The following OCM variants were observed in gnomAD, a reference collection of about 807,000 sequenced individuals.
OCM encodes the protein oncomodulin.
In OCM, 18 loss-of-function variants were observed where a neutral mutation model predicts 14.1. The ratio of observed to expected loss-of-function variants is 1.28; its 90% confidence interval spans 0.88 to 1.89. The LOEUF is 1.89. OCM is among the 40% of genes most tolerant of loss of function. The pLI is 0.00. For missense variants in OCM, 140 were observed against 137.6 expected, an observed-to-expected ratio of 1.02 and a Z score of -0.09; for synonymous variants, 48 against 51.0, an observed-to-expected ratio of 0.94 and a Z score of 0.25.
the OCM span, among the ~76,000 whole-genome samples, chr7:5,867,484 C>G: frequency 2.0e-5 from 3 of 151,998 alleles, no homozygotes; most frequent in East Asian, 3.8e-4. Flanking sequence ...CCTCCTTTTT[C>G]CTCCTCTTAT....
the OCM span, among the ~76,000 whole-genome samples, chr7:5,861,356 G>A: frequency 2.6e-5 from 4 of 151,916 alleles, no homozygotes; most frequent in Non-Finnish European, 4.4e-5. Flanking sequence ...AGGAGGCGGA[G>A]GTTGAAGTGA....
the OCM span, among the ~76,000 whole-genome samples, chr7:5,862,599 C>T: frequency 5.3e-5 from 8 of 152,340 alleles, no homozygotes; most frequent in East Asian, 1.2e-3. Flanking sequence ...TCCCTCTTTT[C>T]ATGTTTACTT....
rs1781332216 is a variant in OCM at position 5,886,130 on chromosome 7, C to G, written c.*41C>G. The G allele has an allele frequency of 6.3e-7, 1 of 1,585,474 alleles. No individual in the cohort carries two copies. The highest frequency in any genetic ancestry group is 8.7e-7 in the Non-Finnish European group (1 of 1,154,998). On this transcript the variant is annotated 3_prime_UTR_variant, in exon 4 of 4. Transcript: ENST00000242104. ...GAGAAAAGAGAGAAAGGGATAATCACCTGGAAGGATTCCAAAGCCCTGGGA... is the reference window on the plus strand; with the variant it reads ...GAGAAAAGAGAGAAAGGGATAATCAGCTGGAAGGATTCCAAAGCCCTGGGA...
the OCM span, among the ~76,000 whole-genome samples, chr7:5,871,323 C>G: frequency 6.8e-6 from 1 of 146,396 alleles, no homozygotes; most frequent in Non-Finnish European, 1.5e-5. Flanking sequence ...CCACAGCACT[C>G]AAGCCTGGGT....
At chr7:5,873,151 G>A in the OCM span, among the ~76,000 whole-genome samples, 2 of 152,152 alleles carry the variant, frequency 1.3e-5, no homozygotes, top group South Asian at 4.1e-4. Context: ...GAGGCAGGTG[G>A]ATTACTTGAG....
rs201541081 is a variant in OCM at position 5,883,974 on chromosome 7, T to C, written c.279T>C (p.Asp93=). Residue 93 remains aspartate (D), a synonymous_variant, in exon 3 of 4, where the codon GAT becomes GAC. Coordinates refer to ENST00000242104, the MANE Select transcript of OCM (RefSeq NM_001097622.2). The part of the protein sequence containing the change: ...TKSLMAAADN[D]GDGKIGAEEF... ...CCTTGATGGCTGCGGCGGATAATGA[T>C]GGAGATGGGAAAATTGGAGCAGAGG... is the stretch of plus-strand genomic sequence containing the variant. The C allele has an allele frequency of 2.7e-4, 443 of 1,612,918 alleles. 2 individuals are homozygous for C. The Middle Eastern group carries it at 4.3e-3, about 16-fold the overall frequency.
In OCM at chr7:5,880,900, C is replaced by A. The variant is rs764514586; in HGVS notation, c.11C>A (p.Thr4Lys). MSI[T>K]DVLSADDIAA... ...GTGAGTAGGTAGAAAATGAGCATCA[C>A]GGACGTGCTCAGTGCTGACGACATT... The change falls in exon 1 of 4, where the codon ACG becomes AAG. Residue 4 changes from threonine to lysine, a missense_variant. Coordinates refer to ENST00000242104, the MANE Select transcript of OCM (RefSeq NM_001097622.2). 2.5e-6 allele frequency: 4 copies of A among 1,613,868 alleles called. No homozygotes were observed. Among genetic ancestry groups the A allele is most frequent in the Non-Finnish European group, 3.4e-6 (4 of 1,179,856 alleles).
the OCM span, among the ~76,000 whole-genome samples, chr7:5,871,181 C>G: frequency 2.1e-4 from 32 of 150,474 alleles, no homozygotes; most frequent in South Asian, 1.1e-3. Flanking sequence ...AGCCCCCCCC[C>G]CGTCTCTACA....
the OCM span, among the ~76,000 whole-genome samples, chr7:5,868,082 T>G: frequency 6.6e-6 from 1 of 151,798 alleles, no homozygotes; most frequent in Non-Finnish European, 1.5e-5. Flanking sequence ...CTTTTTTTCT[T>G]CGGTGTCTAA....
At chr7:5,865,451 C>G in the OCM span, among the ~76,000 whole-genome samples, 1 of 152,178 alleles carries the variant, frequency 6.6e-6, no homozygotes, top group Non-Finnish European at 1.5e-5. Flanking sequence ...AGAACCCCAA[C>G]TCATTAGACA....
chr7:5,865,718 C>G, the OCM span, among the ~76,000 whole-genome samples: 2 of 152,170 alleles, frequency 1.3e-5, no homozygotes, highest in Admixed American at 6.5e-5. Context: ...ATGAAACATG[C>G]TCAGCTGCGA....
At chr7:5,861,639 G>A in the OCM span, among the ~76,000 whole-genome samples, 1 of 151,954 alleles carries the variant, frequency 6.6e-6, no homozygotes, top group Non-Finnish European at 1.5e-5. Context: ...GAGGGTTCCA[G>A]TTCCTCTCTC....
upstream of OCM, among the ~76,000 whole-genome samples, chr7:5,875,277 G>A (rs1165529679): frequency 1.3e-5 from 2 of 151,770 alleles, no homozygotes; most frequent in African/African-American, 4.8e-5. Context: ...GACTGGTCTC[G>A]AACTCCGGAC....
chr7:5,885,834 C>T (rs971444546), intron 3 of OCM, among the ~76,000 whole-genome samples: 2 of 152,142 alleles, frequency 1.3e-5, no homozygotes, highest in Non-Finnish European at 2.9e-5. Flanking sequence ...TGGTTTCGAT[C>T]TCATGATGTC....
chr7:5,883,025 T>A (rs1247704983), intron 2 of OCM, among the ~76,000 whole-genome samples: 2 of 151,558 alleles, frequency 1.3e-5, no homozygotes, highest in Non-Finnish European at 2.9e-5. Context: ...ATATTTAGAG[T>A]AGAGATGGGG....
the OCM span, among the ~76,000 whole-genome samples, chr7:5,871,308 T>C: frequency 2.0e-5 from 3 of 151,324 alleles, no homozygotes; most frequent in African/African-American, 4.9e-5. Flanking sequence ...TGAGCCATGA[T>C]TGAACCACAG....
chr7:5,867,444 C>T, the OCM span, among the ~76,000 whole-genome samples: 228 of 152,244 alleles, frequency 1.5e-3, 5 homozygotes, highest in South Asian at 0.04. Flanking sequence ...TATAATAATG[C>T]GCCCTTTATA....
At chr7:5,885,871 A>T (rs1206350254) in intron 3 of OCM, among the ~76,000 whole-genome samples, 193 bp from the exon 4 acceptor site, 2 of 152,096 alleles carry the variant, frequency 1.3e-5, no homozygotes, top group African/African-American at 4.8e-5. Context: ...GGCCTCCCAA[A>T]GTGCTGGGAT....
At chr7:5,868,437 G>T in the OCM span, among the ~76,000 whole-genome samples, 1 of 152,030 alleles carries the variant, frequency 6.6e-6, no homozygotes, top group African/African-American at 2.4e-5. Flanking sequence ...GTGAGCCACC[G>T]CGCCCGGCCA....
Sources: allele counts gnomAD v4.1 joint callset (sites outside exome capture counted in the v4.1 genomes callset), GRCh38; gene constraint gnomAD v4.1.1; transcripts MANE v1.5; gene names NCBI Gene and HGNC (gene_info 2026-07-23, HGNC 2026-07-21).